The following RYR3 variants were observed in gnomAD, a reference collection of about 807,000 sequenced individuals.
RYR3 encodes brain ryanodine receptor-calcium release channel.
Under a neutral mutation model 584.3 loss-of-function variants are expected in RYR3, and 207 were observed. The observed-to-expected ratio is 0.35, with a 90% confidence interval of 0.32 to 0.40. RYR3 has a LOEUF of 0.40. Ranked by LOEUF, RYR3 falls within the 10% of genes least tolerant of loss-of-function variation. The probability of loss-of-function intolerance (pLI) is 1.00; values close to 1 mark genes in which losing one functional copy is unlikely to be tolerated. For synonymous variants in RYR3, 2,416 were observed against 2,248.5 expected, an observed-to-expected ratio of 1.07 and a Z score of -2.11; for missense variants, 5,616 against 6,089.2, an observed-to-expected ratio of 0.92 and a Z score of 2.59.
intron 1 of RYR3, among the ~76,000 whole-genome samples, chr15:33,386,436 C>T (rs951182786): frequency 6.6e-6 from 1 of 152,182 alleles, no homozygotes; most frequent in Admixed American, 6.5e-5. Flanking sequence ...TTGCCATGAG[C>T]TGGTGCACTC....
intron 1 of RYR3, among the ~76,000 whole-genome samples, chr15:33,443,509 G>T (rs1347103594): frequency 6.6e-6 from 1 of 151,962 alleles, no homozygotes; most frequent in African/African-American, 2.4e-5. Context: ...TTAAAAAGAG[G>T]TTAACCACTC....
intron 1 of RYR3, among the ~76,000 whole-genome samples, chr15:33,330,216 G>C (rs556112067): frequency 2.0e-5 from 3 of 152,100 alleles, no homozygotes; most frequent in African/African-American, 4.8e-5. Context: ...AAATCATCAG[G>C]CTACACCTCT....
chr15:33,746,190 C>G, intron 53 of RYR3, 33 bp downstream of exon 53: 1 of 1,419,568 alleles, frequency 7.0e-7, no homozygotes, highest in East Asian at 2.4e-5. Flanking sequence ...CACTGTGTGA[C>G]CATGCTGTTT....
intron 1 of RYR3, among the ~76,000 whole-genome samples, chr15:33,355,354 C>T (rs181297358): frequency 2.3e-4 from 35 of 152,198 alleles, no homozygotes; most frequent in African/African-American, 7.5e-4. Context: ...GAATAAGACT[C>T]GTGCTTATGG....
At chr15:33,765,330 C>CTTTGAAATATGAA (rs2072921181) in intron 60 of RYR3, among the ~76,000 whole-genome samples, 2 of 151,884 alleles carry the variant, frequency 1.3e-5, no homozygotes, top group Non-Finnish European at 2.9e-5. Context: ...AAAGCTAAGA[C>CTTTGAAATATGAA]CCTAATGAAA....
At chr15:33,428,416 G>A (rs768133883) in intron 1 of RYR3, among the ~76,000 whole-genome samples, 8 of 152,160 alleles carry the variant, frequency 5.3e-5, no homozygotes, top group Non-Finnish European at 1.0e-4. Flanking sequence ...TTTGTACTTC[G>A]AAGATTTTAG....
chr15:33,770,157 T>A (rs891108565), intron 62 of RYR3, among the ~76,000 whole-genome samples: 1 of 148,508 alleles, frequency 6.7e-6, no homozygotes, highest in Non-Finnish European at 1.5e-5. Context: ...TTTATCAAAA[T>A]TGGGAGGAGG....
chr15:33,652,928 G>A, intron 32 of RYR3, 45 bp downstream of exon 32: 3 of 1,554,442 alleles, frequency 1.9e-6, no homozygotes, highest in Non-Finnish European at 2.6e-6. Flanking sequence ...CCCAGGCCTG[G>A]TGTTTATCAC....
At chr15:33,631,619 C>A (rs2061269247) in intron 23 of RYR3, among the ~76,000 whole-genome samples, 1 of 152,294 alleles carries the variant, frequency 6.6e-6, no homozygotes, top group East Asian at 1.9e-4. Flanking sequence ...CCAGCCATGA[C>A]AGAGAGTCAC....
intron 53 of RYR3, among the ~76,000 whole-genome samples, 154 bp downstream of exon 53, chr15:33,746,311 G>T (rs1002718346): frequency 3.9e-4 from 60 of 152,320 alleles, no homozygotes; most frequent in African/African-American, 1.4e-3. Flanking sequence ...CAGTGGGCAA[G>T]TGCCTCAGGA....
intron 1 of RYR3, among the ~76,000 whole-genome samples, chr15:33,414,551 T>C (rs1045758380): frequency 6.6e-6 from 1 of 152,164 alleles, no homozygotes; most frequent in African/African-American, 2.4e-5. Flanking sequence ...GAATCTTGAC[T>C]CAGAAGCAGT....
At chr15:33,546,999 T>G (rs764862681) in intron 8 of RYR3, among the ~76,000 whole-genome samples, 7 of 152,180 alleles carry the variant, frequency 4.6e-5, no homozygotes, top group Non-Finnish European at 1.0e-4. Flanking sequence ...GGTCACAAGA[T>G]TCTCAGAAAG....
At chr15:33,675,892 C>T (rs2064145852) in intron 38 of RYR3, among the ~76,000 whole-genome samples, 1 of 152,118 alleles carries the variant, frequency 6.6e-6, no homozygotes, top group African/African-American at 2.4e-5. Flanking sequence ...ACATTGGGAA[C>T]AGGAGCATCC....
intron 1 of RYR3, among the ~76,000 whole-genome samples, chr15:33,313,380 C>T (rs1384892358): frequency 6.6e-6 from 1 of 152,270 alleles, no homozygotes; most frequent in East Asian, 1.9e-4. Flanking sequence ...AAGAATATAC[C>T]TAAGAACATA....
chr15:33,736,193 G>T, intron 48 of RYR3, 42 bp from the exon 49 acceptor site: 3 of 1,283,454 alleles, frequency 2.3e-6, no homozygotes, highest in Non-Finnish European at 3.4e-6. Context: ...TTATTATTAT[G>T]TTTTCATTTT....
chr15:33,836,636 G>A (rs536279114), intron 87 of RYR3, among the ~76,000 whole-genome samples: 27 of 152,248 alleles, frequency 1.8e-4, no homozygotes, highest in Non-Finnish European at 2.8e-4. Context: ...TTGTTCAGCC[G>A]TTTTGGACAA....
chr15:33,610,641 A>C (rs2060135553), intron 18 of RYR3, among the ~76,000 whole-genome samples: 1 of 152,244 alleles, frequency 6.6e-6, no homozygotes, highest in Admixed American at 6.5e-5. Flanking sequence ...CACTTAGTTT[A>C]GAATCTGTTA....
chr15:33,701,861 G>C (rs2066328087), intron 42 of RYR3, among the ~76,000 whole-genome samples: 1 of 152,156 alleles, frequency 6.6e-6, no homozygotes, highest in Admixed American at 6.5e-5. Context: ...TGTCCGAGAG[G>C]AGAGTATGGC....
chr15:33,332,141 C>G (rs1419645923), intron 1 of RYR3, among the ~76,000 whole-genome samples: 1 of 151,914 alleles, frequency 6.6e-6, no homozygotes, highest in East Asian at 1.9e-4. Context: ...AGTTAAATAT[C>G]CAGATATAGC....
Sources: allele counts gnomAD v4.1 joint callset (sites outside exome capture counted in the v4.1 genomes callset), GRCh38; gene constraint gnomAD v4.1.1; transcripts MANE v1.5; gene names NCBI Gene and HGNC (gene_info 2026-07-23, HGNC 2026-07-21).